Variants in EPHA6 observed in about 807,000 individuals in gnomAD.
EPHA6 encodes the protein ephrin type-A receptor 6.
Under a neutral mutation model 112.0 loss-of-function variants are expected in EPHA6, and 50 were observed. That is an observed-to-expected ratio of 0.45 (90% CI 0.36 to 0.56). The LOEUF is 0.56. Among genes scored for constraint, EPHA6 ranks in the 20% least tolerant of loss-of-function variants. The pLI is 0.00. For missense variants in EPHA6, 1,280 were observed against 1,417.4 expected (o/e 0.90, Z 1.56); for synonymous variants, 529 against 490.7 (o/e 1.08, Z -1.03).
intron 5 of EPHA6, among the ~76,000 whole-genome samples, chr3:97,325,523 G>T (rs1043790476): frequency 2.6e-5 from 4 of 152,000 alleles, no homozygotes; most frequent in Non-Finnish European, 5.9e-5. Flanking sequence ...ATACTCTGAG[G>T]TACAGGGGTC....
At chr3:97,278,576 C>A (rs2080176802) in intron 5 of EPHA6, among the ~76,000 whole-genome samples, 1 of 152,146 alleles carries the variant, frequency 6.6e-6, no homozygotes, top group Non-Finnish European at 1.5e-5. Context: ...AGAACTTGAA[C>A]ATGGAGGATA....
intron 5 of EPHA6, among the ~76,000 whole-genome samples, chr3:97,278,541 G>A (rs1259500706): frequency 6.6e-6 from 1 of 152,148 alleles, no homozygotes; most frequent in Non-Finnish European, 1.5e-5. Flanking sequence ...GCAAAAAACT[G>A]TGCACAGGTT....
chr3:96,926,647 C>T (rs1297911540), intron 2 of EPHA6, among the ~76,000 whole-genome samples: 1 of 152,232 alleles, frequency 6.6e-6, no homozygotes, highest in Non-Finnish European at 1.5e-5. Flanking sequence ...AAAGGGGCTA[C>T]AGGCCCCATG....
chr3:97,118,564 GT>G (rs945325146), intron 3 of EPHA6, among the ~76,000 whole-genome samples: 3 of 151,538 alleles, frequency 2.0e-5, no homozygotes, highest in Admixed American at 1.3e-4. Context: ...TTCCTTTTCT[GT>G]TTTTTGCTAA....
At position 97,754,860 on chromosome 3, in the gene EPHA6, C is replaced by T. The variant is rs1401374081; in HGVS notation, c.*6159C>T. ...CTGGAACTACAGGCGTCCGTCACCA[C>T]GCCCGGCTAATTTTTTGTATTTTTA... On this transcript the variant is annotated 3_prime_UTR_variant, in exon 18 of 18. Transcript: ENST00000389672. Among the ~76,000 whole-genome samples the T allele has an allele frequency of 6.6e-6, 1 of 152,172 alleles. No individual in the cohort carries two copies. The highest frequency in any genetic ancestry group is 2.4e-5 in the African/African-American group (1 of 41,446).
chr3:97,169,770 G>T (rs927681028), intron 3 of EPHA6, among the ~76,000 whole-genome samples: 1 of 151,902 alleles, frequency 6.6e-6, no homozygotes, highest in Non-Finnish European at 1.5e-5. Flanking sequence ...TAAATGAATT[G>T]CTTTTCCCAC....
At chr3:97,367,945 C>T (rs2084831856) in intron 5 of EPHA6, among the ~76,000 whole-genome samples, 1 of 152,178 alleles carries the variant, frequency 6.6e-6, no homozygotes, top group African/African-American at 2.4e-5. Flanking sequence ...CACAAGCTGA[C>T]TTCTTCTATC....
chr3:97,064,112 CTA>C (rs2046108134), intron 3 of EPHA6, among the ~76,000 whole-genome samples: 1 of 152,068 alleles, frequency 6.6e-6, no homozygotes. Context: ...TATCTACTTG[CTA>C]AATTTTTGCA....
intron 10 of EPHA6, among the ~76,000 whole-genome samples, chr3:97,513,887 G>A (rs2092405315): frequency 6.6e-6 from 1 of 152,112 alleles, no homozygotes; most frequent in African/African-American, 2.4e-5. Flanking sequence ...ACAATGCACT[G>A]AGAGAGAAAA....
At chr3:97,612,726 C>T (rs1163575205) in intron 13 of EPHA6, among the ~76,000 whole-genome samples, 1 of 152,082 alleles carries the variant, frequency 6.6e-6, no homozygotes, top group Non-Finnish European at 1.5e-5. Context: ...AATTTTGGCT[C>T]TACTCATGGA....
At chr3:97,196,887 A>C (rs982265255) in intron 3 of EPHA6, among the ~76,000 whole-genome samples, 2 of 151,910 alleles carry the variant, frequency 1.3e-5, no homozygotes, top group African/African-American at 2.4e-5. Flanking sequence ...TGACACAAGC[A>C]CCTCTGTAGC....
At chr3:97,732,473 G>A (rs2035079788) in intron 15 of EPHA6, among the ~76,000 whole-genome samples, 1 of 151,970 alleles carries the variant, frequency 6.6e-6, no homozygotes, top group Non-Finnish European at 1.5e-5. Flanking sequence ...GACTTGTTAT[G>A]TTATCCCTTG....
At chr3:97,097,049 T>C (rs1290302472) in intron 3 of EPHA6, among the ~76,000 whole-genome samples, 1 of 151,690 alleles carries the variant, frequency 6.6e-6, no homozygotes, top group African/African-American at 2.4e-5. Flanking sequence ...GTCATTTCAT[T>C]AATGTTTATC....
In EPHA6 at chr3:97,637,877, A is replaced by G. The variant is rs1560215100; in HGVS notation, c.2579A>G (p.His860Arg). The change falls in exon 14 of 18, where the codon CAT (histidine) becomes CGT (arginine). Residue 860 changes from histidine (H) to arginine (R), a missense_variant. Physicochemically the swap from His to Arg is conservative, Grantham distance 29 (BLOSUM62 0). This residue lies in a region of EPHA6 where 878 missense variants were observed against 999.7 expected (regional missense o/e 0.88). Coordinates refer to ENST00000389672, the MANE Select transcript of EPHA6 (RefSeq NM_001080448.3). The stretch of plus-strand genomic sequence containing the variant: ...ACAATTGTGATTCTCTTGCAGAAGC[A>G]TGATGGCCACTTCACAGTCATCCAG... ...NGSLDSFLRK[H>R]DGHFTVIQLV... 1.9e-6 allele frequency: 3 copies of G among 1,613,612 alleles called. No homozygotes were observed. Among genetic ancestry groups the G allele is most frequent in the East Asian group, 2.2e-5 (1 of 44,858 alleles).
At chr3:97,182,670 A>G (rs554761361) in intron 3 of EPHA6, among the ~76,000 whole-genome samples, 6 of 152,244 alleles carry the variant, frequency 3.9e-5, no homozygotes, top group African/African-American at 1.4e-4. Context: ...GTTTGTGCAG[A>G]CTAAAGTGAC....
chr3:97,012,030 A>G (rs539062536), intron 3 of EPHA6, among the ~76,000 whole-genome samples: 2 of 152,310 alleles, frequency 1.3e-5, no homozygotes, highest in African/African-American at 4.8e-5. Context: ...TGGTACATAT[A>G]TACCATATTT....
rs2035240567 is a variant in EPHA6, at chr3:97,736,114, C to T, written c.3124C>T (p.Leu1042Phe). 6.2e-7 allele frequency: 1 copy of T among 1,610,404 alleles called. No individual in the cohort carries two copies. The highest frequency in any genetic ancestry group is 8.5e-7 in the Non-Finnish European group (1 of 1,177,816). The part of the protein sequence containing the change: ...SALHTLVEDI[L>F]VMPESPGEVP... ...CCTTCACACCCTGGTGGAGGACATC[C>T]TTGTGTAAGAGGCATAATGTTGAGT... Residue 1042 changes from leucine to phenylalanine, a missense_variant, in exon 16 of 18, where the codon CTT becomes TTT. Leu to Phe is a conservative substitution (Grantham distance 22). This residue lies in a region of EPHA6 where 145 missense variants were observed against 153.3 expected (regional missense o/e 0.95). Coordinates refer to ENST00000389672, the MANE Select transcript of EPHA6 (RefSeq NM_001080448.3).
At chr3:96,905,407 A>T (rs1351927886) in intron 2 of EPHA6, among the ~76,000 whole-genome samples, 1 of 151,794 alleles carries the variant, frequency 6.6e-6, no homozygotes, top group Non-Finnish European at 1.5e-5. Context: ...GGAATTTTTC[A>T]CTCCGTGGCA....
intron 3 of EPHA6, among the ~76,000 whole-genome samples, chr3:97,225,139 T>A (rs1301753574): frequency 6.6e-6 from 1 of 152,096 alleles, no homozygotes; most frequent in Non-Finnish European, 1.5e-5. Flanking sequence ...GTATTTTTAG[T>A]AGAGAGGGGG....
Sources: allele counts gnomAD v4.1 joint callset (sites outside exome capture counted in the v4.1 genomes callset), GRCh38; gene constraint gnomAD v4.1.1; regional missense constraint gnomAD v4.1.1; transcripts MANE v1.5; gene names NCBI Gene and HGNC (gene_info 2026-07-23, HGNC 2026-07-21).